Variants in RNF150 observed in about 807,000 individuals in gnomAD.
The protein encoded by RNF150 is ring finger protein 150.
RNF150 carries 24 observed loss-of-function variants against 39.3 expected under a neutral mutation model. That is an observed-to-expected ratio of 0.61 (90% CI 0.44 to 0.86). RNF150 has a LOEUF of 0.86. Among genes scored for constraint, RNF150 ranks in the 40% least tolerant of loss-of-function variants. RNF150 has a pLI of 0.00. For missense variants in RNF150, 502 were observed against 587.8 expected (o/e 0.85, Z 1.51); for synonymous variants, 255 against 227.3 (o/e 1.12, Z -1.10).
chr4:141,011,422 T>C (rs933370179), intron 1 of RNF150, among the ~76,000 whole-genome samples: 1 of 152,204 alleles, frequency 6.6e-6, no homozygotes, highest in African/African-American at 2.4e-5. Context: ...AGTTCTAACT[T>C]TACCTTAGAA....
intron 1 of RNF150, among the ~76,000 whole-genome samples, chr4:140,988,604 C>T (rs1300729327): frequency 6.6e-6 from 1 of 151,938 alleles, no homozygotes; most frequent in Non-Finnish European, 1.5e-5. Flanking sequence ...TTGTCATTTA[C>T]ATTAGGTATA....
chr4:141,012,724 A>C lies in RNF150; in HGVS notation c.485-44851T>G, dbSNP rs541918118. Among the ~76,000 whole-genome samples the C allele has an allele frequency of 8.4e-5, 12 of 143,242 alleles. No individual in the cohort carries two copies. In the East Asian group the frequency reaches 2.4e-3, roughly 28 times the overall value. 94.0% of individuals were successfully genotyped at this position (143,242 alleles called of 152,430 possible). On this transcript the variant is annotated intron_variant, in intron 1 of 6. Coordinates refer to ENST00000515673, the MANE Select transcript of RNF150 (RefSeq NM_020724.2). ...CTTGAACCCAGGAGGCGGATGATGC[A>C]GTGAGCTGAAATTGTGCCACTGCAC...
intron 6 of RNF150, among the ~76,000 whole-genome samples, chr4:140,870,027 A>C (rs1366374722): frequency 6.6e-6 from 1 of 152,208 alleles, no homozygotes; most frequent in Non-Finnish European, 1.5e-5. Flanking sequence ...TCGCTAATGT[A>C]ATTTTTTCAT....
At chr4:141,114,691 A>G (rs944166185) in intron 1 of RNF150, among the ~76,000 whole-genome samples, 6 of 152,322 alleles carry the variant, frequency 3.9e-5, no homozygotes, top group Admixed American at 2.6e-4. Context: ...AGACACAACA[A>G]AAAGAAAATT....
chr4:141,051,999 G>A lies in RNF150; in HGVS notation c.484+80326C>T, dbSNP rs543022803. ...TCCTCACAATCATGGCGGAAGGCAA[G>A]GAGGACTAAGTCACATCTTAAGTGG... On this transcript the variant is annotated intron_variant, in intron 1 of 6. Transcript: ENST00000515673. Among the ~76,000 whole-genome samples the A allele has an allele frequency of 2.5e-4, 38 of 152,310 alleles. No individual in the cohort carries two copies. In the South Asian group the frequency reaches 7.7e-3, roughly 31 times the overall value.
intron 1 of RNF150, among the ~76,000 whole-genome samples, chr4:141,103,264 A>T (rs1312792482): frequency 1.3e-5 from 2 of 152,210 alleles, no homozygotes; most frequent in African/African-American, 4.8e-5. Context: ...ATTGTTATAG[A>T]TCCTCATGGA....
Position 141,191,401 on chromosome 4 carries a change from G to A in RNF150, c.-6+21393C>T, listed in dbSNP as rs111671991. Among the ~76,000 whole-genome samples the A allele has an allele frequency of 5.4e-3, 820 of 152,274 alleles. 7 individuals carry two copies. Among genetic ancestry groups the A allele is most frequent in the African/African-American group, 0.019 (788 of 41,544 alleles). On this transcript the variant is annotated intron_variant, in intron 1 of 7. Transcript: ENST00000420921. ...AAGTATATCCAATGTCAGAACCTCT[G>A]GTTCTAGCTCAGCTTTCATCCACAT... is the stretch of plus-strand genomic sequence containing the variant.
chr4:141,027,210 T>C (rs1489790443), intron 1 of RNF150, among the ~76,000 whole-genome samples: 2 of 152,184 alleles, frequency 1.3e-5, no homozygotes, highest in Admixed American at 1.3e-4. Context: ...ATCCAGGTCA[T>C]GGAGAAGTGT....
At chr4:141,097,212 C>G (rs1738823137) in intron 1 of RNF150, among the ~76,000 whole-genome samples, 1 of 152,034 alleles carries the variant, frequency 6.6e-6, no homozygotes, top group South Asian at 2.1e-4. Context: ...AACAAAGGAC[C>G]TTCTTGTGTG....
In RNF150 at chr4:141,098,363, T is replaced by A. The variant is rs17227032; in HGVS notation, c.484+33962A>T. On this transcript the variant is annotated intron_variant, in intron 1 of 6. Coordinates refer to ENST00000515673, the MANE Select transcript of RNF150 (RefSeq NM_020724.2). ...AGTGCTAGGGCAGGCCAGTCAGACATCCCTGGGACAGTCCTGGCACACAAG... is the reference window on the plus strand; with the variant it reads ...AGTGCTAGGGCAGGCCAGTCAGACAACCCTGGGACAGTCCTGGCACACAAG... 5.2e-3 allele frequency among the ~76,000 whole-genome samples: 790 copies of A among 152,252 alleles called. 28 individuals are homozygous for A. Among genetic ancestry groups the A allele is most frequent in the Admixed American group, 0.039 (594 of 15,294 alleles).
intron 1 of RNF150, among the ~76,000 whole-genome samples, chr4:140,991,066 G>T (rs1734180512): frequency 6.6e-6 from 1 of 152,146 alleles, no homozygotes; most frequent in East Asian, 1.9e-4. Context: ...TTGTGGTCTT[G>T]ATTTGCATTT....
intron 6 of RNF150, among the ~76,000 whole-genome samples, chr4:140,876,784 T>C (rs1327163701): frequency 6.6e-6 from 1 of 152,240 alleles, no homozygotes; most frequent in Non-Finnish European, 1.5e-5. Context: ...TTGGCTGCTA[T>C]GTTGCTCTTA....
chr4:140,935,004 TATA>T (rs1328257099), intron 4 of RNF150, among the ~76,000 whole-genome samples: 19 of 109,724 alleles, frequency 1.7e-4, no homozygotes, highest in African/African-American at 4.1e-4. Flanking sequence ...TATATATATA[TATA>T]AATATATATA....
At chr4:140,999,384 A>G (rs13136008) in intron 1 of RNF150, among the ~76,000 whole-genome samples, 20,703 of 152,262 alleles carry the variant, frequency 0.14, 1,651 homozygotes, top group East Asian at 0.33. Context: ...AAACAGCCAT[A>G]TGTAGAAGCC....
chr4:140,937,839 A>G (rs1462909079), intron 4 of RNF150, among the ~76,000 whole-genome samples: 1 of 152,192 alleles, frequency 6.6e-6, no homozygotes, highest in Admixed American at 6.5e-5. Flanking sequence ...ACACATTTAA[A>G]AACAGCTATA....
chr4:141,113,329 T>C (rs1323296520), intron 1 of RNF150, among the ~76,000 whole-genome samples: 1 of 87,782 alleles, frequency 1.1e-5, no homozygotes, highest in African/African-American at 3.9e-5. Flanking sequence ...ATTTAGCAAA[T>C]GGAAAGTTAA....
At chr4:140,976,660 T>C (rs1230974418) in intron 1 of RNF150, among the ~76,000 whole-genome samples, 1 of 151,914 alleles carries the variant, frequency 6.6e-6, no homozygotes, top group Non-Finnish European at 1.5e-5. Flanking sequence ...CTCTACTTTC[T>C]ATCCATCAAC....
intron 4 of RNF150, among the ~76,000 whole-genome samples, chr4:140,940,608 GC>G (rs1409633616): frequency 6.6e-5 from 10 of 152,290 alleles, no homozygotes; most frequent in Admixed American, 4.6e-4. Context: ...TCAGAATGTA[GC>G]CAAGGAACTG....
At chr4:140,928,835 C>T (rs1027268876) in intron 4 of RNF150, among the ~76,000 whole-genome samples, 3 of 152,166 alleles carry the variant, frequency 2.0e-5, no homozygotes, top group South Asian at 2.1e-4. Context: ...CGTGAGCCAC[C>T]GCGCCCGGCC....
Sources: allele counts gnomAD v4.1 joint callset (sites outside exome capture counted in the v4.1 genomes callset), GRCh38; gene constraint gnomAD v4.1.1; transcripts MANE v1.5; gene names NCBI Gene and HGNC (gene_info 2026-07-23, HGNC 2026-07-21).